The following FNDC11 variants were observed in gnomAD, a reference collection of about 807,000 sequenced individuals.
FNDC11 encodes the protein fibronectin type III domain-containing protein 11.
FNDC11 carries 15 observed loss-of-function variants against 15.8 expected under a neutral mutation model. The observed-to-expected ratio is 0.95, with a 90% confidence interval of 0.63 to 1.46. FNDC11 has a LOEUF of 1.46. Among genes scored for constraint, FNDC11 ranks in the 40% most tolerant of loss-of-function variants. The pLI is 0.00. For synonymous variants in FNDC11, 190 were observed against 203.1 expected, an observed-to-expected ratio of 0.94 and a Z score of 0.55; for missense variants, 416 against 443.4, an observed-to-expected ratio of 0.94 and a Z score of 0.55.
Position 63,556,551 on chromosome 20 carries a change from G to A in FNDC11, c.888G>A (p.Trp296Ter), listed in dbSNP as rs938844847. 3 of 1,613,522 alleles carry A rather than the reference G, an allele frequency of 1.9e-6. No individual in the cohort carries two copies. Among genetic ancestry groups the A allele is most frequent in the South Asian group, 2.2e-5 (2 of 91,082 alleles). The change falls in exon 2 of 2, where the codon TGG (tryptophan) becomes TGA (stop). Residue 296 changes from tryptophan to a stop codon, truncating the protein, a stop_gained. Coordinates refer to ENST00000370097, the MANE Select transcript of FNDC11 (RefSeq NM_001319152.2). LOFTEE classifies it low-confidence loss of function (END_TRUNC). ...CCTCCACGCTGGTGTACGAGCCCTG[G>A]AGGGACAGCCTCACCCTGCACACCA... ...AETSTLVYEPWRDSLTLHTKP... is the reference protein window; with the variant it reads ...AETSTLVYEP
intron 1 of FNDC11, 158 bp from the exon 2 acceptor site, chr20:63,555,496 C>A: frequency 8.3e-7 from 1 of 1,211,664 alleles, no homozygotes; most frequent in Non-Finnish European, 1.1e-6. Context: ...TGTAGGCTGC[C>A]CATCCAGCCC....
In FNDC11 at chr20:63,556,269, C is replaced by T; in HGVS notation, c.606C>T (p.Leu202=). The T allele has an allele frequency of 6.3e-7, 1 of 1,599,720 alleles. No individual in the cohort carries two copies. Among genetic ancestry groups the T allele is most frequent in the Non-Finnish European group, 8.5e-7 (1 of 1,169,602 alleles). Residue 202 remains leucine (L), a synonymous_variant, in exon 2 of 2, where the codon CTC becomes CTT. Coordinates refer to ENST00000370097, the MANE Select transcript of FNDC11 (RefSeq NM_001319152.2). The stretch of plus-strand genomic sequence containing the variant: ...CCACCAAGATCCCGCACATCTGGCT[C>T]ATGCTGAGCACCAAGATGCCTGTCG... ...VSATKIPHIW[L]MLSTKMPVVF...
At chr20:63,553,953 C>A, upstream of FNDC11, 1 of 152,194 alleles carries the variant, frequency 6.6e-6, no homozygotes, top group Non-Finnish European at 1.5e-5. Context: ...GACGGGAACC[C>A]CCCTTGGAGC....
At position 63,555,925 on chromosome 20, in the gene FNDC11, G is replaced by A. The variant is rs750948569; in HGVS notation, c.262G>A (p.Gly88Ser). 30 of 1,606,040 alleles carry A rather than the reference G, an allele frequency of 1.9e-5. No homozygotes were observed. The Admixed American group carries it at 3.3e-4, about 18-fold the overall frequency. The change falls in exon 2 of 2, where the codon GGC (glycine) becomes AGC (serine). Residue 88 changes from glycine to serine, a missense_variant. Physicochemically the swap from Gly to Ser is moderately conservative, Grantham distance 56. Coordinates refer to ENST00000370097, the MANE Select transcript of FNDC11 (RefSeq NM_001319152.2). ...IEVLPKHLAL[G>S]DQNPLVLPSA... ...GGTCCTGCCCAAGCACCTGGCCCTG[G>A]GCGACCAGAACCCGCTGGTGCTGCC...
In FNDC11 at chr20:63,556,329, C is replaced by T. The variant is rs770256458; in HGVS notation, c.666C>T (p.Asp222=). 1.2e-6 allele frequency: 2 copies of T among 1,610,876 alleles called. No individual in the cohort carries two copies. Among genetic ancestry groups the T allele is most frequent in the Admixed American group, 3.3e-5 (2 of 60,004 alleles). ...GAAAGGCGTCGGCGGCTCACCAGGA[C>T]TGGGCCCGGCTGCGCTGGTTCGTCA... ...FDRKASAAHQ[D]WARLRWFVTI... Residue 222 remains aspartate, a synonymous_variant, in exon 2 of 2, where the codon GAC becomes GAT. Coordinates refer to ENST00000370097, the MANE Select transcript of FNDC11 (RefSeq NM_001319152.2).
In FNDC11 at chr20:63,556,300, G is replaced by A; in HGVS notation, c.637G>A (p.Asp213Asn). 1 of 1,604,606 alleles carries A rather than the reference G, an allele frequency of 6.2e-7. No individual in the cohort carries two copies. Among genetic ancestry groups the A allele is most frequent in the South Asian group, 1.1e-5 (1 of 90,900 alleles). The change falls in exon 2 of 2, where the codon GAC becomes AAC. Residue 213 changes from aspartate to asparagine, a missense_variant. By Grantham distance (23) the Asp-to-Asn change is conservative. Coordinates refer to ENST00000370097, the MANE Select transcript of FNDC11 (RefSeq NM_001319152.2). ...GAGCACCAAGATGCCTGTCGTGTTT[G>A]ACCGAAAGGCGTCGGCGGCTCACCA... The part of the protein sequence containing the change: ...MLSTKMPVVF[D>N]RKASAAHQDW...
Position 63,556,022 on chromosome 20 carries a change from A to C in FNDC11, c.359A>C (p.Lys120Thr). The C allele has an allele frequency of 6.2e-7, 1 of 1,600,206 alleles. No individual in the cohort carries two copies. Among genetic ancestry groups the C allele is most frequent in the Non-Finnish European group, 8.5e-7 (1 of 1,179,932 alleles). Residue 120 changes from lysine to threonine, a missense_variant, in exon 2 of 2, where the codon AAG becomes ACG. Transcript: ENST00000370097. ...RMKKVGTAQT[K>T]IQLLLLGDLL... ...AAGAAGGTGGGCACAGCTCAGACCA[A>C]GATCCAGCTCCTGCTGCTCGGGGAC...
chr20:63,555,326 C>A, intron 1 of FNDC11: 1 of 315,152 alleles, frequency 3.2e-6, no homozygotes, highest in East Asian at 5.7e-5. Context: ...GTGCCAGCAA[C>A]CCCTTTCAGC....
intron 1 of FNDC11, chr20:63,555,249 C>G (rs763304631): frequency 1.1e-5 from 2 of 182,558 alleles, no homozygotes; most frequent in Admixed American, 1.1e-4. Flanking sequence ...GGATGGCCCG[C>G]GAATGTCCCC....
chr20:63,553,408 G>C (rs1569021664), upstream of FNDC11, among the ~76,000 whole-genome samples: 1 of 151,556 alleles, frequency 6.6e-6, no homozygotes, highest in East Asian at 2.0e-4. Flanking sequence ...GGCCGTGGTG[G>C]GGGGAGCCCG....
In FNDC11 at chr20:63,556,133, C is replaced by T. The variant is rs367919449; in HGVS notation, c.470C>T (p.Ala157Val). ...PDPRPFLADW[A>V]LVERRLADVS... is the part of the protein sequence containing the mutation. ...CCACGGCCCTTCCTGGCCGACTGGG[C>T]GCTGGTGGAGCGGCGGCTGGCGGAC... The change falls in exon 2 of 2, where the codon GCG (alanine) becomes GTG (valine). Residue 157 changes from alanine (A) to valine (V), a missense_variant. Ala to Val is a moderately conservative substitution (Grantham distance 64). Transcript: ENST00000370097. The T allele has an allele frequency of 2.4e-5, 38 of 1,595,136 alleles. 2 individuals carry two copies. Among genetic ancestry groups the T allele is most frequent in the Middle Eastern group, 1.6e-4 (1 of 6,062 alleles).
rs777350747 is a variant in FNDC11 at position 63,556,668 on chromosome 20, C to T, written c.*48C>T. The T allele has an allele frequency of 2.6e-5, 39 of 1,504,516 alleles. No homozygotes were observed. The Middle Eastern group carries it at 1.1e-3, about 42-fold the overall frequency. The allele number at this position is 1,504,516 out of a possible 1,614,324, so 93.2% of individuals were successfully genotyped here. ...CCACTAATAAAGAAGAGTGTAAATGCACATATGGAATTAAAGAAGCAAACC... is the reference window on the plus strand; with the variant it reads ...CCACTAATAAAGAAGAGTGTAAATGTACATATGGAATTAAAGAAGCAAACC... On this transcript the variant is annotated 3_prime_UTR_variant, in exon 2 of 2. Transcript: ENST00000370097.
Position 63,556,485 on chromosome 20 carries a change from G to C in FNDC11, c.822G>C (p.Leu274=). The C allele has an allele frequency of 1.2e-6, 2 of 1,613,642 alleles. No homozygotes were observed. The highest frequency in any genetic ancestry group is 1.7e-6 in the Non-Finnish European group (2 of 1,180,024). The change falls in exon 2 of 2, where the codon CTG becomes CTC. Residue 274 remains leucine, a synonymous_variant. Transcript: ENST00000370097. ...AACTFDVRNL[L]PNRSYKFTIK... ...GCACCTTCGACGTCCGAAACCTGCT[G>C]CCCAACCGATCCTATAAGTTCACCA...
In FNDC11 at chr20:63,555,807, G is replaced by C. The variant is rs768261839; in HGVS notation, c.144G>C (p.Leu48=). 5 of 1,613,466 alleles carry C rather than the reference G, an allele frequency of 3.1e-6. No homozygotes were observed. Among genetic ancestry groups the C allele is most frequent in the Non-Finnish European group, 4.2e-6 (5 of 1,180,030 alleles). The change falls in exon 2 of 2, where the codon CTG becomes CTC. Residue 48 remains leucine (L), a synonymous_variant. Transcript: ENST00000370097. ...CCTACACCGAGCGCCGCAATGCCCT[G>C]CGTGAGTTCCTGACCTCGGACCTGA... ...WKTYTERRNA[L]REFLTSDLSP...
At chr20:63,554,748 C>G (rs745662874) in intron 1 of FNDC11, 6 of 152,278 alleles carry the variant, frequency 3.9e-5, no homozygotes, top group Non-Finnish European at 8.8e-5. Context: ...CCTGTGTGGC[C>G]CTGGGGAACT....
In FNDC11 at chr20:63,556,635, A is replaced by G; in HGVS notation, c.*15A>G. ...ACTCTGTCTGAGAGATGATTTTCTA[A>G]TATTTATCCACTAATAAAGAAGAGT... On this transcript the variant is annotated 3_prime_UTR_variant, in exon 2 of 2. Coordinates refer to ENST00000370097, the MANE Select transcript of FNDC11 (RefSeq NM_001319152.2). 1 of 1,592,030 alleles carries G rather than the reference A, an allele frequency of 6.3e-7. No individual in the cohort carries two copies. Among genetic ancestry groups the G allele is most frequent in the South Asian group, 1.1e-5 (1 of 89,996 alleles).
In FNDC11 at chr20:63,556,684, G is replaced by A. The variant is rs756953636; in HGVS notation, c.*64G>A. 8.4e-6 allele frequency: 12 copies of A among 1,436,252 alleles called. No individual in the cohort carries two copies. Among genetic ancestry groups the A allele is most frequent in the Admixed American group, 2.0e-5 (1 of 49,762 alleles). The allele number at this position is 1,436,252 out of a possible 1,614,324, so 89.0% of individuals were successfully genotyped here. On this transcript the variant is annotated 3_prime_UTR_variant, in exon 2 of 2. Coordinates refer to ENST00000370097, the MANE Select transcript of FNDC11 (RefSeq NM_001319152.2). ...GTGTAAATGCACATATGGAATTAAA[G>A]AAGCAAACCTATTTATGTTTTAAAG...
upstream of FNDC11, chr20:63,553,219 TAC>T (rs2082774048): frequency 6.6e-6 from 1 of 152,510 alleles, no homozygotes; most frequent in Non-Finnish European, 1.5e-5. Context: ...ACTGAACAGA[TAC>T]AGACGGGACC....
chr20:63,555,639 C>G lies in FNDC11; in HGVS notation c.-10-15C>G. The G allele has an allele frequency of 6.3e-7, 1 of 1,582,012 alleles. No homozygotes were observed. Among genetic ancestry groups the G allele is most frequent in the Non-Finnish European group, 8.6e-7 (1 of 1,161,474 alleles). On this transcript the variant is annotated splice_polypyrimidine_tract_variant and intron_variant, in intron 1 of 1. Coordinates refer to ENST00000370097, the MANE Select transcript of FNDC11 (RefSeq NM_001319152.2). ...GCCAGCCTGCCTGGCAGCTGACACC[C>G]AGCCCTCCCCCCAGCTCCCGGATAA... is the stretch of plus-strand genomic sequence containing the variant.
Sources: allele counts gnomAD v4.1 joint callset (sites outside exome capture counted in the v4.1 genomes callset), GRCh38; gene constraint gnomAD v4.1.1; transcripts MANE v1.5; gene names NCBI Gene and HGNC (gene_info 2026-07-23, HGNC 2026-07-21).